The following RBFOX3 variants were observed in gnomAD, a reference collection of about 807,000 sequenced individuals.
RBFOX3 encodes RNA binding protein fox-1 homolog 3.
In RBFOX3, 17 loss-of-function variants were observed where a neutral mutation model predicts 48.7. The ratio of observed to expected loss-of-function variants is 0.35; its 90% CI spans 0.24 to 0.52. The LOEUF is 0.52. Ranked by LOEUF, RBFOX3 falls within the 20% of genes least tolerant of loss-of-function variation. RBFOX3 has a pLI of 0.94. For synonymous variants in RBFOX3, 212 were observed against 209.5 expected (o/e 1.01, Z -0.10); for missense variants, 382 against 497.5 (o/e 0.77, Z 2.21).
At chr17:79,318,878 A>AAAAAAAAAAAAAAAAT (rs386386740) in intron 2 of RBFOX3, among the ~76,000 whole-genome samples, 1 of 129,508 alleles carries the variant, frequency 7.7e-6, no homozygotes, top group Non-Finnish European at 1.7e-5. Flanking sequence ...AAAAAAAAAA[A>AAAAAAAAAAAAAAAAT]AAGGGATGGA....
chr17:79,644,586 A>AT, the RBFOX3 span, among the ~76,000 whole-genome samples: 2 of 152,222 alleles, frequency 1.3e-5, no homozygotes, highest in Non-Finnish European at 2.9e-5. Context: ...GATCAATTGT[A>AT]TTTTTATGTT....
chr17:79,365,443 T>C (rs2147406189), intron 2 of RBFOX3, among the ~76,000 whole-genome samples: 1 of 152,380 alleles, frequency 6.6e-6, no homozygotes, highest in East Asian at 1.9e-4. Flanking sequence ...ACTCATTAAA[T>C]GCCTGTGATA....
chr17:79,500,036 G>C (rs894144312), intron 1 of RBFOX3, among the ~76,000 whole-genome samples: 1 of 152,162 alleles, frequency 6.6e-6, no homozygotes, highest in Non-Finnish European at 1.5e-5. Context: ...AAGCCTAGGC[G>C]AGAAGAAGCC....
the RBFOX3 span, among the ~76,000 whole-genome samples, chr17:79,660,565 T>C: frequency 6.6e-6 from 1 of 152,304 alleles, no homozygotes; most frequent in South Asian, 2.1e-4. Context: ...CACTGAACAT[T>C]AGAGACATGC....
intron 4 of RBFOX3, among the ~76,000 whole-genome samples, chr17:79,138,829 CCACA>C (rs1457898959): frequency 1.5e-5 from 2 of 136,192 alleles, no homozygotes; most frequent in Non-Finnish European, 1.6e-5. Flanking sequence ...ACCCCCTCAC[CCACA>C]CACATGCACA....
intron 1 of RBFOX3, among the ~76,000 whole-genome samples, chr17:79,508,425 C>T (rs2083501944): frequency 2.0e-5 from 3 of 152,210 alleles, no homozygotes; most frequent in Admixed American, 2.0e-4. Context: ...GCTGGGCCGC[C>T]GCCCACCGCC....
intron 1 of RBFOX3, among the ~76,000 whole-genome samples, chr17:79,545,006 A>G (rs1200379014): frequency 6.6e-6 from 1 of 150,722 alleles, no homozygotes; most frequent in Admixed American, 6.6e-5. Flanking sequence ...AGAAAGAAAG[A>G]GAAAGCTCGC....
chr17:79,251,466 C>T (rs1213986238), intron 3 of RBFOX3, among the ~76,000 whole-genome samples: 1 of 152,182 alleles, frequency 6.6e-6, no homozygotes, highest in African/African-American at 2.4e-5. Context: ...ATCCAGCATC[C>T]CAAACTCAGA....
intron 1 of RBFOX3, among the ~76,000 whole-genome samples, chr17:79,580,075 G>A (rs1704238705): frequency 6.6e-6 from 1 of 152,100 alleles, no homozygotes; most frequent in East Asian, 1.9e-4. Flanking sequence ...AACTGCACCT[G>A]GTACCTTCCC....
intron 1 of RBFOX3, among the ~76,000 whole-genome samples, chr17:79,561,493 G>A (rs2092213740): frequency 6.6e-6 from 1 of 152,172 alleles, no homozygotes; most frequent in Non-Finnish European, 1.5e-5. Flanking sequence ...GGAGTCCCCA[G>A]AGACACACGA....
intron 1 of RBFOX3, among the ~76,000 whole-genome samples, chr17:79,531,102 T>C (rs1043179481): frequency 2.0e-5 from 3 of 152,380 alleles, no homozygotes; most frequent in African/African-American, 7.2e-5. Context: ...GCGCAGAGCC[T>C]GCCCACTTTC....
intron 2 of RBFOX3, among the ~76,000 whole-genome samples, chr17:79,444,403 G>A (rs563473149): frequency 2.5e-4 from 37 of 150,098 alleles, no homozygotes; most frequent in African/African-American, 7.8e-4. Flanking sequence ...AAGACCAGCC[G>A]GGGGAAGAAA....
At chr17:79,256,082 C>T (rs921840326) in intron 3 of RBFOX3, among the ~76,000 whole-genome samples, 1 of 151,840 alleles carries the variant, frequency 6.6e-6, no homozygotes, top group Non-Finnish European at 1.5e-5. Context: ...GAGGGGCTGA[C>T]CTAGCAGTCC....
At chr17:79,337,752 G>T (rs868609009) in intron 2 of RBFOX3, among the ~76,000 whole-genome samples, 2 of 151,928 alleles carry the variant, frequency 1.3e-5, no homozygotes, top group Middle Eastern at 3.2e-3. Flanking sequence ...CTACAGCCTG[G>T]GCAACAGAGC....
At chr17:79,507,530 C>T (rs920013121) in intron 1 of RBFOX3, among the ~76,000 whole-genome samples, 1 of 152,034 alleles carries the variant, frequency 6.6e-6, no homozygotes, top group Non-Finnish European at 1.5e-5. Flanking sequence ...GAAGGGTGGG[C>T]AGTCCTACTC....
rs528941064 is a variant in RBFOX3, at chr17:79,314,032, C to T, written c.-174-6208G>A. On this transcript the variant is annotated intron_variant, in intron 2 of 14. Coordinates refer to ENST00000693108, the MANE Select transcript of RBFOX3 (RefSeq NM_001350451.2). ...GTAGCCAGGTGGCCTCAGAGGGCAG[C>T]GAGTGGTCACAGCCCCCACATGGTG... 1.8e-4 allele frequency among the ~76,000 whole-genome samples: 27 copies of T among 152,276 alleles called. No individual in the cohort carries two copies. The East Asian group carries it at 3.7e-3, about 21-fold the overall frequency.
At chr17:79,245,110 C>G (rs12946987) in intron 3 of RBFOX3, among the ~76,000 whole-genome samples, 29,547 of 150,364 alleles carry the variant, frequency 0.2, 3,086 homozygotes, top group East Asian at 0.39. Flanking sequence ...GAGTCTCACT[C>G]TGTTGCTCAG....
intron 3 of RBFOX3, among the ~76,000 whole-genome samples, chr17:79,245,124 G>A (rs1163325058): frequency 2.7e-5 from 4 of 150,578 alleles, no homozygotes; most frequent in Admixed American, 6.6e-5. Flanking sequence ...TGCTCAGGCT[G>A]GAGTGCAGGG....
At chr17:79,412,390 ATGG>A (rs1182570651) in intron 2 of RBFOX3, among the ~76,000 whole-genome samples, 4 of 151,638 alleles carry the variant, frequency 2.6e-5, no homozygotes. Flanking sequence ...GTGTGAAGGC[ATGG>A]TGGTATGGGT....
Sources: gnomAD v4.1 joint callset for allele counts (sites outside exome capture counted in the v4.1 genomes callset) on GRCh38, gnomAD v4.1.1 for gene constraint, MANE v1.5 for transcripts, NCBI Gene and HGNC (gene_info 2026-07-23, HGNC 2026-07-21) for gene names.